Variants in TMEM253 observed in about 807,000 individuals in gnomAD.
The protein encoded by TMEM253 is transmembrane protein C14orf176.
A neutral mutation model predicts 20.3 loss-of-function variants in TMEM253; 22 were observed. The ratio of observed to expected loss-of-function variants is 1.08; its 90% CI spans 0.78 to 1.55. TMEM253 has a LOEUF of 1.55. TMEM253 is among the 40% of genes most tolerant of loss of function. The pLI is 0.00. For missense variants in TMEM253, 251 were observed against 266.1 expected, an observed-to-expected ratio of 0.94 and a Z score of 0.39; for synonymous variants, 92 against 102.6, an observed-to-expected ratio of 0.90 and a Z score of 0.62.
At chr14:21,101,383 A>G in exon 2 of TMEM253, 1 of 1,551,690 alleles carries the variant, frequency 6.4e-7, no homozygotes, top group Non-Finnish European at 8.7e-7. Flanking sequence ...GGAGAGACAC[A>G]GCCTTCGTCT....
upstream of TMEM253, among the ~76,000 whole-genome samples, chr14:21,100,204 A>G (rs866975752): frequency 9.2e-5 from 14 of 152,118 alleles, no homozygotes; most frequent in Non-Finnish European, 1.8e-4. Context: ...TGTCTCTACA[A>G]AAAATTTAAA....
chr14:21,101,775 C>A, intron 2 of TMEM253, 90 bp from the exon 3 acceptor site: 1 of 1,038,610 alleles, frequency 9.6e-7, no homozygotes, highest in Non-Finnish European at 1.4e-6. Flanking sequence ...TGCATTCAAT[C>A]CCATTTCCTG....
At chr14:21,103,064 G>C (rs57471121) in intron 6 of TMEM253, 75 bp from the exon 7 acceptor site, 109,008 of 1,548,372 alleles carry the variant, frequency 0.07, 4,079 homozygotes, top group African/African-American at 0.12. Context: ...TTGGGCAGGA[G>C]GAAGCAGTTG....
At chr14:21,100,481 TATTA>T (rs1889563274), upstream of TMEM253, among the ~76,000 whole-genome samples, 1 of 152,104 alleles carries the variant, frequency 6.6e-6, no homozygotes, top group Non-Finnish European at 1.5e-5. Flanking sequence ...CTCTCAAAAA[TATTA>T]ATTGTTGCAA....
exon 2 of TMEM253, chr14:21,101,396 A>G (rs1216100961): frequency 1.3e-6 from 2 of 1,551,686 alleles, no homozygotes; most frequent in Admixed American, 3.9e-5. Context: ...CTTCGTCTGG[A>G]AAAGCTACAA....
At chr14:21,099,964 C>T (rs1015084055), upstream of TMEM253, among the ~76,000 whole-genome samples, 10 of 152,298 alleles carry the variant, frequency 6.6e-5, no homozygotes, top group East Asian at 1.7e-3. Context: ...CTCATCAGCA[C>T]CACTAATAGT....
At chr14:21,102,568 G>A (rs1176876872) in intron 5 of TMEM253, 53 bp downstream of exon 5, 4 of 1,551,402 alleles carry the variant, frequency 2.6e-6, no homozygotes, top group African/African-American at 1.4e-5. Context: ...GAGGAGGTGG[G>A]AAGGGAAAAG....
Position 21,102,021 on chromosome 14 carries a change from C to T in TMEM253, c.220-43C>T, listed in dbSNP as rs780603176. 19 of 1,550,506 alleles carry T rather than the reference C, an allele frequency of 1.2e-5. No individual in the cohort carries two copies. In the African/African-American group the frequency reaches 2.5e-4, roughly 20 times the overall value. ...GGGTGGAAGGTCCCAGGGCCCCTTC[C>T]TAACGGGACCAGAGCTCAACACTTG... On this transcript the variant is annotated intron_variant, in intron 3 of 6. Transcript: ENST00000556585.
At position 21,103,371 on chromosome 14, in the gene TMEM253, G is replaced by A. The variant is rs962984615; in HGVS notation, c.*113G>A. On this transcript the variant is annotated 3_prime_UTR_variant, in exon 7 of 7. Coordinates refer to ENST00000556585, the Ensembl canonical transcript of TMEM253. ...GTGCCTTCAGTTTTCACTCAAAGCA[G>A]GCCCTTTTTTCGTTCCTTCCCTGTT... 82 of 1,445,296 alleles carry A rather than the reference G, an allele frequency of 5.7e-5. No homozygotes were observed. The Middle Eastern group carries it at 1.0e-3, about 18-fold the overall frequency. The allele number at this position is 1,445,296 out of a possible 1,614,324, so 89.5% of individuals were successfully genotyped here.
intron 6 of TMEM253, 64 bp downstream of exon 6, chr14:21,102,843 T>A: frequency 1.3e-6 from 2 of 1,520,578 alleles, no homozygotes; most frequent in Admixed American, 4.1e-5. Context: ...CTGCCTATCC[T>A]GGTCAGTGGC....
chr14:21,102,458 G>C (rs1201255069), exon 5 of TMEM253: 2 of 1,549,818 alleles, frequency 1.3e-6, no homozygotes, highest in Admixed American at 2.0e-5. Context: ...GTTTCATAGT[G>C]GTGGTGGTCG....
rs562323208 is a variant in TMEM253, at chr14:21,102,768, G to T, written c.523G>T (p.Glu175Ter). 1.3e-6 allele frequency: 2 copies of T among 1,549,900 alleles called. No homozygotes were observed. The highest frequency in any genetic ancestry group is 2.7e-5 in the African/African-American group (2 of 73,156). Residue 175 changes from glutamate (E) to a stop codon, truncating the protein, a stop_gained, in exon 6 of 7, where the codon GAG becomes TAG. Transcript: ENST00000556585. LOFTEE classifies it low-confidence loss of function (END_TRUNC). ...CAGGAGCCAGAGTCTGCACTATCAA[G>T]AGCTGCAGGAGGTATGGGGGCAGGG...
upstream of TMEM253, chr14:21,098,861 C>G (rs771701955): frequency 4.7e-5 from 61 of 1,285,876 alleles, no homozygotes; most frequent in Non-Finnish European, 3.7e-5. Flanking sequence ...TGCACAGACT[C>G]GGGAAGTTCT....
Position 21,101,990 on chromosome 14 carries a change from A to G in TMEM253, c.219+15A>G, listed in dbSNP as rs1202066516. Reference sequence around the variant, plus strand: ...CTGGAGCCTCAGTAAGACCCACCACAAGGGAGGGTGGAAGGTCCCAGGGCC... The same window carrying G: ...CTGGAGCCTCAGTAAGACCCACCACGAGGGAGGGTGGAAGGTCCCAGGGCC... On this transcript the variant is annotated intron_variant, in intron 3 of 6. Transcript: ENST00000556585. 3 of 1,550,868 alleles carry G rather than the reference A, an allele frequency of 1.9e-6. No homozygotes were observed. The highest frequency in any genetic ancestry group is 2.6e-6 in the Non-Finnish European group (3 of 1,146,346).
At chr14:21,101,574 G>A in intron 2 of TMEM253, 123 bp downstream of exon 2, 1 of 902,544 alleles carries the variant, frequency 1.1e-6, no homozygotes. Flanking sequence ...GCTAGGTTCT[G>A]AATGGGAGGA....
intron 4 of TMEM253, 122 bp from the exon 5 acceptor site, chr14:21,102,283 T>C (rs1889689349): frequency 1.4e-6 from 2 of 1,405,418 alleles, no homozygotes; most frequent in African/African-American, 2.9e-5. Flanking sequence ...TAAGAGGGCT[T>C]ATGGCCCTGT....
rs746366161 is a variant in TMEM253, at chr14:21,102,125, G to A, written c.276+5G>A. ...AGAGCACCCCGCCTTTGGAAGGTGAGAGGGAAGAAAACGCAGCACTGTCCT... is the reference window on the plus strand; with the variant it reads ...AGAGCACCCCGCCTTTGGAAGGTGAAAGGGAAGAAAACGCAGCACTGTCCT... On this transcript the variant is annotated splice_donor_5th_base_variant and intron_variant, in intron 4 of 6. Coordinates refer to ENST00000556585, the Ensembl canonical transcript of TMEM253. The A allele has an allele frequency of 1.2e-5, 18 of 1,550,562 alleles. No homozygotes were observed. Among genetic ancestry groups the A allele is most frequent in the Non-Finnish European group, 1.6e-5 (18 of 1,146,378 alleles).
chr14:21,102,729 A>G lies in TMEM253; in HGVS notation c.484A>G (p.Lys162Glu), dbSNP rs765876910. 2.8e-4 allele frequency: 428 copies of G among 1,551,320 alleles called. No individual in the cohort carries two copies. Among genetic ancestry groups the G allele is most frequent in the Non-Finnish European group, 3.3e-4 (383 of 1,146,988 alleles). ...CGCCCTATTCTTGCTGAGCCAGAGG[A>G]AACCAGGATGCTGCAGGAGCCAGAG... The change falls in exon 6 of 7, where the codon AAA becomes GAA. Residue 162 changes from lysine to glutamate, a missense_variant. Transcript: ENST00000556585.
exon 7 of TMEM253, chr14:21,103,401 G>A: frequency 7.4e-7 from 1 of 1,344,072 alleles, no homozygotes; most frequent in Non-Finnish European, 9.9e-7. Flanking sequence ...CCTGTTAGGG[G>A]AAGATACACC....
Sources: gnomAD v4.1 joint callset for allele counts (sites outside exome capture counted in the v4.1 genomes callset) on GRCh38, gnomAD v4.1.1 for gene constraint, MANE v1.5 for transcripts, NCBI Gene and HGNC (gene_info 2026-07-23, HGNC 2026-07-21) for gene names.